The following KCNH7 variants were observed in gnomAD, a reference collection of about 807,000 sequenced individuals.
The protein encoded by KCNH7 is voltage-gated inwardly rectifying potassium channel KCNH7.
In KCNH7, 49 loss-of-function variants were observed where a neutral mutation model predicts 120.8. The observed-to-expected ratio is 0.41, with a 90% CI of 0.32 to 0.51. KCNH7 has a LOEUF of 0.51. KCNH7 is among the 20% of genes least tolerant of loss of function. The probability of loss-of-function intolerance (pLI) is 0.38; values close to 1 mark genes in which losing one functional copy is unlikely to be tolerated. For synonymous variants in KCNH7, 547 were observed against 516.1 expected (o/e 1.06, Z -0.81); for missense variants, 1,097 against 1,446.6 (o/e 0.76, Z 3.92).
chr2:162,594,943 C>T (rs185885574), intron 2 of KCNH7, among the ~76,000 whole-genome samples: 406 of 152,030 alleles, frequency 2.7e-3, no homozygotes, highest in African/African-American at 9.3e-3. Context: ...AGATCATTCA[C>T]CATGATCAAG....
At chr2:162,803,271 A>G (rs1167107178) in intron 2 of KCNH7, among the ~76,000 whole-genome samples, 1 of 151,800 alleles carries the variant, frequency 6.6e-6, no homozygotes, top group Admixed American at 6.6e-5. Flanking sequence ...AACTTTGATT[A>G]AACTAGCAAT....
At chr2:162,414,236 T>A (rs956350018) in intron 9 of KCNH7, among the ~76,000 whole-genome samples, 1 of 151,942 alleles carries the variant, frequency 6.6e-6, no homozygotes, top group African/African-American at 2.4e-5. Context: ...TTACATATAA[T>A]CTTTAACTCA....
chr2:162,573,361 A>T (rs1001080296), intron 2 of KCNH7, among the ~76,000 whole-genome samples: 12 of 152,050 alleles, frequency 7.9e-5, no homozygotes, highest in Non-Finnish European at 1.3e-4. Context: ...AGAAACTATT[A>T]AACATTTCCT....
At chr2:162,524,754 A>G (rs1286607541) in intron 3 of KCNH7, among the ~76,000 whole-genome samples, 1 of 151,942 alleles carries the variant, frequency 6.6e-6, no homozygotes, top group Admixed American at 6.6e-5. Context: ...AAACAGAGAT[A>G]ATGACTAACA....
chr2:162,749,951 T>C (rs987940882), intron 2 of KCNH7, among the ~76,000 whole-genome samples: 7 of 152,160 alleles, frequency 4.6e-5, no homozygotes, highest in Non-Finnish European at 1.0e-4. Flanking sequence ...AACTAAACAA[T>C]TTTATTCTAC....
chr2:162,616,862 T>C (rs556680251), intron 2 of KCNH7, among the ~76,000 whole-genome samples: 173 of 152,330 alleles, frequency 1.1e-3, no homozygotes, highest in African/African-American at 3.9e-3. Flanking sequence ...AAATGCCACT[T>C]ACTTTCTTGC....
intron 2 of KCNH7, among the ~76,000 whole-genome samples, chr2:162,542,632 C>T (rs966320339): frequency 9.2e-5 from 14 of 152,024 alleles, no homozygotes; most frequent in African/African-American, 2.9e-4. Flanking sequence ...TGCCACATTT[C>T]CTTAATCCGG....
chr2:162,534,315 A>G (rs1355909808), intron 3 of KCNH7, among the ~76,000 whole-genome samples: 1 of 151,496 alleles, frequency 6.6e-6, no homozygotes, highest in Non-Finnish European at 1.5e-5. Flanking sequence ...AACTAATAGA[A>G]TTAATAAACC....
chr2:162,436,261 T>TCAAGCCCCTTCTTCCCATA (rs1688234249), intron 7 of KCNH7, among the ~76,000 whole-genome samples: 1 of 152,076 alleles, frequency 6.6e-6, no homozygotes, highest in East Asian at 1.9e-4. Context: ...AAGGAGCCAG[T>TCAAGCCCCTTCTTCCCATA]CAAGCCCCTT....
At chr2:162,796,113 ATGGATG>A (rs1684136738) in intron 2 of KCNH7, 1 of 152,070 alleles carries the variant, frequency 6.6e-6, no homozygotes, top group African/African-American at 2.4e-5. Context: ...TACATACACA[ATGGATG>A]ACTACAAAGA....
At chr2:162,609,467 T>G (rs1682887599) in intron 2 of KCNH7, among the ~76,000 whole-genome samples, 1 of 152,162 alleles carries the variant, frequency 6.6e-6, no homozygotes, top group Non-Finnish European at 1.5e-5. Context: ...GTATTGGATT[T>G]TTCCCTTGCG....
intron 6 of KCNH7, among the ~76,000 whole-genome samples, chr2:162,493,996 C>T (rs779854232): frequency 6.6e-5 from 10 of 151,934 alleles, no homozygotes; most frequent in African/African-American, 1.7e-4. Context: ...AATAAAAGCA[C>T]GACAAGGTTT....
chr2:162,536,275 C>A (rs577625531), intron 3 of KCNH7, among the ~76,000 whole-genome samples: 93 of 151,948 alleles, frequency 6.1e-4, no homozygotes, highest in African/African-American at 2.2e-3. Context: ...AGAGAAAAAA[C>A]AACCAATATG....
At chr2:162,504,010 C>T (rs1574038100) in intron 6 of KCNH7, among the ~76,000 whole-genome samples, 1 of 152,044 alleles carries the variant, frequency 6.6e-6, no homozygotes, top group Non-Finnish European at 1.5e-5. Context: ...AGTTAACTGA[C>T]TTAGATCTGA....
chr2:162,617,403 C>T (rs373563193), intron 2 of KCNH7, among the ~76,000 whole-genome samples: 20 of 152,014 alleles, frequency 1.3e-4, no homozygotes, highest in South Asian at 2.1e-4. Context: ...GGCCTGAACC[C>T]GGGAGGCGGA....
rs1270406502 is a variant in KCNH7 at position 162,446,297 on chromosome 2, A to G, written c.1275T>C (p.Thr425=). 1.9e-6 allele frequency: 3 copies of G among 1,613,928 alleles called. No individual in the cohort carries two copies. The highest frequency in any genetic ancestry group is 2.2e-5 in the South Asian group (2 of 91,078). The change falls in exon 7 of 16, where the codon ACT becomes ACC. Residue 425 remains threonine, a synonymous_variant. Coordinates refer to ENST00000332142, the MANE Select transcript of KCNH7 (RefSeq NM_033272.4). ...LLLVIYTAIF[T]PYSAAFLLND... ...TGAGGAGGAAGGCTGCAGAGTAGGGAGTAAATATAGCAGTGTATATGACCA... is the reference window on the plus strand; with the variant it reads ...TGAGGAGGAAGGCTGCAGAGTAGGGGGTAAATATAGCAGTGTATATGACCA...
chr2:162,640,100 T>C (rs541686149), intron 2 of KCNH7, among the ~76,000 whole-genome samples: 13 of 152,166 alleles, frequency 8.5e-5, no homozygotes, highest in Non-Finnish European at 1.6e-4. Flanking sequence ...GAAGACTCAA[T>C]AGTAACTATT....
intron 2 of KCNH7, among the ~76,000 whole-genome samples, chr2:162,643,752 G>A (rs1684247763): frequency 7.0e-6 from 1 of 142,120 alleles, no homozygotes; most frequent in African/African-American, 2.7e-5. Flanking sequence ...GTTGCAGTGA[G>A]CCGAGATCAT....
At chr2:162,813,957 T>TA (rs199650629) in intron 2 of KCNH7, among the ~76,000 whole-genome samples, 1,608 of 152,126 alleles carry the variant, frequency 0.011, 6 homozygotes, top group African/African-American at 0.013. Flanking sequence ...ATGTCTACAG[T>TA]AAAAAAAAGT....
Sources: gnomAD v4.1 joint callset for allele counts (sites outside exome capture counted in the v4.1 genomes callset) on GRCh38, gnomAD v4.1.1 for gene constraint, MANE v1.5 for transcripts, NCBI Gene and HGNC (gene_info 2026-07-23, HGNC 2026-07-21) for gene names.